The following KCNT2 variants were observed in gnomAD, a reference collection of about 807,000 sequenced individuals.
KCNT2 encodes potassium channel subfamily T member 2.
Under a neutral mutation model 153.8 loss-of-function variants are expected in KCNT2, and 67 were observed. That is an observed-to-expected ratio of 0.44 (90% CI 0.36 to 0.53). The LOEUF (loss-of-function observed/expected upper bound fraction) is 0.53, where lower values mean the gene tolerates loss of function less well. Among genes scored for constraint, KCNT2 ranks in the 20% least tolerant of loss-of-function variants. The probability of loss-of-function intolerance (pLI) is 0.00; values close to 1 mark genes in which losing one functional copy is unlikely to be tolerated. For synonymous variants in KCNT2, 500 were observed against 458.8 expected (o/e 1.09, Z -1.15); for missense variants, 975 against 1,354.8 (o/e 0.72, Z 4.40).
At chr1:196,547,734 G>A (rs1395233544) in intron 1 of KCNT2, among the ~76,000 whole-genome samples, 3 of 151,678 alleles carry the variant, frequency 2.0e-5, no homozygotes, top group Non-Finnish European at 4.4e-5. Context: ...ATTTTTGAGT[G>A]AGTTTCCTTA....
intron 22 of KCNT2, among the ~76,000 whole-genome samples, chr1:196,304,541 A>T (rs999034018): frequency 6.6e-6 from 1 of 152,060 alleles, no homozygotes; most frequent in African/African-American, 2.4e-5. Flanking sequence ...CATGTATAAG[A>T]CTGGGTCTTT....
At chr1:196,508,969 G>A (rs897383150) in intron 1 of KCNT2, among the ~76,000 whole-genome samples, 1 of 152,136 alleles carries the variant, frequency 6.6e-6, no homozygotes, top group Admixed American at 6.6e-5. Flanking sequence ...TGGGATGCAT[G>A]TACAAGAAGG....
chr1:196,412,643 C>A (rs558939114), intron 12 of KCNT2, among the ~76,000 whole-genome samples: 2 of 151,414 alleles, frequency 1.3e-5, no homozygotes, highest in Non-Finnish European at 3.0e-5. Flanking sequence ...CCCCCTACCC[C>A]CCAGCACACA....
At chr1:196,292,732 G>A (rs1571932298) in intron 22 of KCNT2, among the ~76,000 whole-genome samples, 3 of 150,850 alleles carry the variant, frequency 2.0e-5, no homozygotes, top group Admixed American at 6.6e-5. Flanking sequence ...GCGTGAACCC[G>A]GGAGGCGGGG....
intron 27 of KCNT2, among the ~76,000 whole-genome samples, chr1:196,230,258 A>T (rs1240433566): frequency 6.6e-6 from 1 of 152,054 alleles, no homozygotes; most frequent in Non-Finnish European, 1.5e-5. Context: ...ATCCTAGGAC[A>T]CTTAAGAATT....
chr1:196,416,326 G>A (rs1672750094), intron 12 of KCNT2, among the ~76,000 whole-genome samples: 1 of 151,918 alleles, frequency 6.6e-6, no homozygotes, highest in African/African-American at 2.4e-5. Context: ...AAGTTAATAA[G>A]GAAAGAAAAA....
intron 14 of KCNT2, among the ~76,000 whole-genome samples, chr1:196,372,169 AC>A (rs1247868550): frequency 1.3e-5 from 2 of 152,034 alleles, no homozygotes; most frequent in African/African-American, 2.4e-5. Flanking sequence ...CTCCTAAGAA[AC>A]TTTTACCATC....
chr1:196,319,771 T>C (rs1204708272), intron 19 of KCNT2, among the ~76,000 whole-genome samples: 1 of 151,888 alleles, frequency 6.6e-6, no homozygotes, highest in Non-Finnish European at 1.5e-5. Flanking sequence ...AAACAAGTTG[T>C]ATTTCAGCTT....
chr1:196,506,503 T>C (rs1036383122), intron 1 of KCNT2, among the ~76,000 whole-genome samples: 2 of 152,176 alleles, frequency 1.3e-5, no homozygotes, highest in African/African-American at 4.8e-5. Context: ...TACAGATCAA[T>C]TTATTGGAGA....
At chr1:196,592,196 G>T (rs1663443004) in intron 1 of KCNT2, among the ~76,000 whole-genome samples, 2 of 151,938 alleles carry the variant, frequency 1.3e-5, no homozygotes, top group Admixed American at 6.6e-5. Context: ...AAAAAAATGA[G>T]ATTCTGTCAT....
intron 1 of KCNT2, among the ~76,000 whole-genome samples, chr1:196,594,001 T>TAC (rs1358238425): frequency 6.6e-6 from 1 of 151,666 alleles, no homozygotes; most frequent in East Asian, 1.9e-4. Flanking sequence ...CACACACACA[T>TAC]ACACACACAC....
chr1:196,517,563 T>G lies in KCNT2; in HGVS notation c.96-25222A>C, dbSNP rs116981702. 3.7e-4 allele frequency among the ~76,000 whole-genome samples: 56 copies of G among 152,202 alleles called. No individual in the cohort carries two copies. In the East Asian group the frequency reaches 0.01, roughly 28 times the overall value. ...GAGGTGACAGATGAAATAGCCAGTG[T>G]AAGAGAGAACCTAACTGATCTGAAA... is the stretch of plus-strand genomic sequence containing the variant. On this transcript the variant is annotated intron_variant, in intron 1 of 27. Transcript: ENST00000294725.
intron 27 of KCNT2, among the ~76,000 whole-genome samples, chr1:196,235,095 C>T (rs967275184): frequency 3.3e-5 from 5 of 151,324 alleles, no homozygotes; most frequent in South Asian, 2.1e-4. Context: ...CATTTTGTCA[C>T]GTAAGACCTT....
intron 12 of KCNT2, among the ~76,000 whole-genome samples, chr1:196,411,065 CCTTCCTTCCT>C (rs1672268601): frequency 1.7e-3 from 4 of 2,344 alleles, no homozygotes; most frequent in African/African-American, 1.9e-3. Context: ...TTCCCTCCTT[CCTTCCTTCCT>C]TCCTTCCTTC....
intron 22 of KCNT2, among the ~76,000 whole-genome samples, chr1:196,299,236 T>C (rs2147952818): frequency 6.6e-6 from 1 of 152,278 alleles, no homozygotes. Flanking sequence ...GCTCTTCTAC[T>C]GTTGCCTGTT....
chr1:196,547,606 T>C (rs976356510), intron 1 of KCNT2, among the ~76,000 whole-genome samples: 1 of 152,008 alleles, frequency 6.6e-6, no homozygotes, highest in Non-Finnish European at 1.5e-5. Flanking sequence ...TATGGGATGA[T>C]TTCATTTCAG....
chr1:196,486,165 T>C (rs1679403973), intron 3 of KCNT2, among the ~76,000 whole-genome samples: 1 of 151,992 alleles, frequency 6.6e-6, no homozygotes, highest in Admixed American at 6.6e-5. Flanking sequence ...AGAGAGAATT[T>C]GTAAATGGAG....
At chr1:196,410,815 A>G (rs1006496317) in intron 12 of KCNT2, among the ~76,000 whole-genome samples, 1 of 151,504 alleles carries the variant, frequency 6.6e-6, no homozygotes, top group African/African-American at 2.4e-5. Context: ...CCTCTGTTTC[A>G]ATTTTACCAT....
chr1:196,464,525 C>CT (rs1187986100), intron 8 of KCNT2, among the ~76,000 whole-genome samples: 1 of 151,636 alleles, frequency 6.6e-6, no homozygotes, highest in African/African-American at 2.4e-5. Flanking sequence ...TGCATTTTTC[C>CT]TTTTTTAGTA....
Sources: allele counts gnomAD v4.1 joint callset (sites outside exome capture counted in the v4.1 genomes callset), GRCh38; gene constraint gnomAD v4.1.1; transcripts MANE v1.5; gene names NCBI Gene and HGNC (gene_info 2026-07-23, HGNC 2026-07-21).